The following ZNF69 variants were observed in gnomAD, a reference collection of about 807,000 sequenced individuals.
ZNF69 encodes zinc finger protein 69, also known as ZNF3.
In ZNF69, 47 loss-of-function variants were observed where a neutral mutation model predicts 50.9. The ratio of observed to expected loss-of-function variants is 0.92; its 90% CI spans 0.73 to 1.18. The LOEUF (loss-of-function observed/expected upper bound fraction) is 1.18. ZNF69 is among the 50% of genes most tolerant of loss of function. ZNF69 has a pLI of 0.00. For synonymous variants in ZNF69, 216 were observed against 223.1 expected (o/e 0.97, Z 0.29); for missense variants, 717 against 675.1 (o/e 1.06, Z -0.69).
At chr19:11,950,070 G>A in the ZNF69 span, 1 of 1,614,208 alleles carries the variant, frequency 6.2e-7, no homozygotes, top group Non-Finnish European at 8.5e-7. Context: ...AGCATTGTGG[G>A]AATGGATTCA....
intron 1 of ZNF69, among the ~76,000 whole-genome samples, chr19:11,889,438 G>A (rs554847989): frequency 3.2e-4 from 49 of 152,096 alleles, no homozygotes; most frequent in East Asian, 5.8e-4. Flanking sequence ...GCCAAGAGCC[G>A]GTCACTTCAC....
the ZNF69 span, chr19:11,949,628 C>T: frequency 4.3e-6 from 7 of 1,613,794 alleles, no homozygotes; most frequent in Non-Finnish European, 5.9e-6. Flanking sequence ...GGAGAGAAAC[C>T]CTATGAATGC....
At chr19:11,920,190 C>T in the ZNF69 span, among the ~76,000 whole-genome samples, 1 of 151,270 alleles carries the variant, frequency 6.6e-6, no homozygotes, top group South Asian at 2.1e-4. Flanking sequence ...CAGCTCACTG[C>T]AACTTCTGCC....
At position 11,905,142 on chromosome 19, in the gene ZNF69, G is replaced by A. The variant is rs1412261501; in HGVS notation, c.745G>A (p.Glu249Lys). Residue 249 changes from glutamate to lysine, a missense_variant, in exon 4 of 4, where the codon GAA becomes AAA. Transcript: ENST00000429654. ...AATTCACACTGGAGAGAAACCATAT[G>A]AATGTAAACAATGTGGTAAATCCTT... Reference protein sequence around the residue: ...ERIHTGEKPYECKQCGKSFSY... With the variant: ...ERIHTGEKPYKCKQCGKSFSY... 1 of 1,614,032 alleles carries A rather than the reference G, an allele frequency of 6.2e-7. No individual in the cohort carries two copies.
chr19:11,957,687 A>G, the ZNF69 span, among the ~76,000 whole-genome samples: 9 of 151,822 alleles, frequency 5.9e-5, no homozygotes, highest in East Asian at 1.9e-4. Flanking sequence ...TCTATGAAAA[A>G]TATAAAAATT....
intron 1 of ZNF69, among the ~76,000 whole-genome samples, chr19:11,898,295 T>G (rs1376340011): frequency 6.6e-6 from 1 of 152,098 alleles, no homozygotes; most frequent in Non-Finnish European, 1.5e-5. Flanking sequence ...TGGGTTTTAT[T>G]ATTTAGAACA....
chr19:11,947,632 A>C, the ZNF69 span: 1 of 1,448,994 alleles, frequency 6.9e-7, no homozygotes, highest in Non-Finnish European at 9.6e-7. Flanking sequence ...GAATATGAGA[A>C]TATGTTGAAG....
At chr19:11,965,344 C>T in the ZNF69 span, 13 of 1,284,560 alleles carry the variant, frequency 1.0e-5, no homozygotes, top group Middle Eastern at 2.5e-4. Context: ...TGGAGCTGCT[C>T]GGCCCTCGGT....
At position 11,904,875 on chromosome 19, in the gene ZNF69, G is replaced by T. The variant is rs376735585; in HGVS notation, c.478G>T (p.Gly160Ter). Reference protein sequence around the residue: ...GHKAYEYQEYGPKPCKCQQPK... With the variant: ...GHKAYEYQEY ...CAAGGCCTATGAGTATCAGGAATATGGACCGAAGCCATGTAAGTGTCAACA... is the reference window on the plus strand; with the variant it reads ...CAAGGCCTATGAGTATCAGGAATATTGACCGAAGCCATGTAAGTGTCAACA... The change falls in exon 4 of 4, where the codon GGA becomes TGA. Residue 160 changes from glycine to a stop codon, truncating the protein, a stop_gained. Coordinates refer to ENST00000429654, the MANE Select transcript of ZNF69 (RefSeq NM_001364730.1). LOFTEE classifies it high-confidence loss of function. The T allele has an allele frequency of 1.2e-5, 20 of 1,614,144 alleles. No individual in the cohort carries two copies. Among genetic ancestry groups the T allele is most frequent in the Non-Finnish European group, 1.5e-5 (18 of 1,180,040 alleles).
chr19:11,957,708 G>T, the ZNF69 span, among the ~76,000 whole-genome samples: 2 of 151,778 alleles, frequency 1.3e-5, no homozygotes, highest in African/African-American at 4.9e-5. Context: ...AGCTGGGTGT[G>T]GTGGCACACA....
rs540046713 is a variant in ZNF69 at position 11,906,212 on chromosome 19, G to A, written c.*114G>A. On this transcript the variant is annotated 3_prime_UTR_variant, in exon 4 of 4. Transcript: ENST00000429654. ...CCCTTCAGGTCTGCCCAGAACCTTC[G>A]AATTCAGTAAAGGACACAAGCACAC... 689 of 1,530,514 alleles carry A rather than the reference G, an allele frequency of 4.5e-4. No homozygotes were observed. Among genetic ancestry groups the A allele is most frequent in the Non-Finnish European group, 5.1e-4 (586 of 1,146,816 alleles). The allele number at this position is 1,530,514 out of a possible 1,614,324, so 94.8% of individuals were successfully genotyped here.
exon 5 of ZNF69, chr19:11,913,738 C>T: frequency 5.6e-6 from 1 of 179,042 alleles, no homozygotes; most frequent in Non-Finnish European, 1.2e-5. Context: ...ATCTCATGTA[C>T]CTCTGAGTGC....
At chr19:11,938,215 C>G in the ZNF69 span, among the ~76,000 whole-genome samples, 1 of 152,176 alleles carries the variant, frequency 6.6e-6, no homozygotes, top group Non-Finnish European at 1.5e-5. Flanking sequence ...ACTACAGGTA[C>G]ACACCACCAC....
chr19:11,911,467 T>C (rs951490226), downstream of ZNF69, among the ~76,000 whole-genome samples: 1 of 152,192 alleles, frequency 6.6e-6, no homozygotes, highest in African/African-American at 2.4e-5. Flanking sequence ...ACGTGGCACA[T>C]ATACACCATG....
rs761420503 is a variant in ZNF69, at chr19:11,905,333, A to G, written c.936A>G (p.Ala312=). The change falls in exon 4 of 4, where the codon GCA becomes GCG. Residue 312 remains alanine (A), a synonymous_variant. Transcript: ENST00000429654. ...ATCAATGTAAGGAATGTGGAAAAGCATTCACGTGTCCCCAGTATGTTCGTA... is the reference window on the plus strand; with the variant it reads ...ATCAATGTAAGGAATGTGGAAAAGCGTTCACGTGTCCCCAGTATGTTCGTA... ...KAYQCKECGK[A]FTCPQYVRIH... is the part of the protein sequence containing the mutation. The G allele has an allele frequency of 8.7e-6, 14 of 1,614,122 alleles. No individual in the cohort carries two copies. In the East Asian group the frequency reaches 3.1e-4, roughly 36 times the overall value.
chr19:11,917,643 G>GT (rs1972533689), downstream of ZNF69, among the ~76,000 whole-genome samples: 1 of 151,972 alleles, frequency 6.6e-6, no homozygotes, highest in South Asian at 2.1e-4. Flanking sequence ...TTATTTGTTT[G>GT]TTTGTCTATT....
the ZNF69 span, among the ~76,000 whole-genome samples, chr19:11,943,885 A>T: frequency 2.6e-5 from 4 of 152,178 alleles, no homozygotes; most frequent in African/African-American, 9.7e-5. Flanking sequence ...TCCAGGTGTG[A>T]CAGGAGCAGG....
chr19:11,941,472 C>T, the ZNF69 span, among the ~76,000 whole-genome samples: 5 of 152,216 alleles, frequency 3.3e-5, no homozygotes, highest in African/African-American at 9.7e-5. Context: ...GGTGAGAAAT[C>T]GAGCGCAGCA....
At chr19:11,965,227 C>G in the ZNF69 span, 1 of 1,614,020 alleles carries the variant, frequency 6.2e-7, no homozygotes, top group South Asian at 1.1e-5. Flanking sequence ...TGTGCATAGC[C>G]GGTTGTCCCG....
Sources: allele counts gnomAD v4.1 joint callset (sites outside exome capture counted in the v4.1 genomes callset), GRCh38; gene constraint gnomAD v4.1.1; transcripts MANE v1.5; gene names NCBI Gene and HGNC (gene_info 2026-07-23, HGNC 2026-07-21).